The following PRR16 variants were observed in gnomAD, a reference collection of about 807,000 sequenced individuals.
PRR16 encodes protein Largen.
A neutral mutation model predicts 18.2 loss-of-function variants in PRR16; 6 were observed. That is an observed-to-expected ratio of 0.33 (90% confidence interval 0.18 to 0.65). PRR16 has a LOEUF of 0.65. PRR16 is among the 30% of genes least tolerant of loss of function. PRR16 has a pLI of 0.74. For synonymous variants in PRR16, 151 were observed against 147.8 expected (o/e 1.02, Z -0.16); for missense variants, 412 against 376.6 (o/e 1.09, Z -0.78).
chr5:120,520,883 T>G (rs1421950259), intron 1 of PRR16, among the ~76,000 whole-genome samples: 4 of 152,142 alleles, frequency 2.6e-5, no homozygotes, highest in African/African-American at 9.6e-5. Context: ...TATTTTATTT[T>G]GAATTTGGGA....
the PRR16 span, among the ~76,000 whole-genome samples, chr5:120,706,325 G>GAAGAAGAAACTAGCAGTTTT: frequency 5.2e-4 from 2 of 3,838 alleles, no homozygotes; most frequent in Non-Finnish European, 2.4e-3. Flanking sequence ...TTGTCAGTTT[G>GAAGAAGAAACTAGCAGTTTT]ACTTGGGGAC....
At chr5:120,737,518 G>A in the PRR16 span, among the ~76,000 whole-genome samples, 5 of 151,522 alleles carry the variant, frequency 3.3e-5, no homozygotes, top group Admixed American at 6.6e-5. Flanking sequence ...TTAATGTGTT[G>A]TTGAATTTAG....
chr5:120,717,072 T>C, the PRR16 span, among the ~76,000 whole-genome samples: 1 of 152,118 alleles, frequency 6.6e-6, no homozygotes, highest in African/African-American at 2.4e-5. Flanking sequence ...TTGTCACCCA[T>C]AGTTTGACAA....
chr5:120,760,719 C>T, the PRR16 span, among the ~76,000 whole-genome samples: 1 of 152,108 alleles, frequency 6.6e-6, no homozygotes, highest in Non-Finnish European at 1.5e-5. Context: ...AGAGTTAAGG[C>T]CCCAGGGAGC....
At chr5:120,624,826 G>A (rs1301896148) in intron 1 of PRR16, among the ~76,000 whole-genome samples, 1 of 152,060 alleles carries the variant, frequency 6.6e-6, no homozygotes, top group Non-Finnish European at 1.5e-5. Flanking sequence ...GAGGGACCTG[G>A]TGGGAGATGA....
rs182228403 is a variant in PRR16, at chr5:120,490,384, C to T, written c.159+25739C>T. 1.3e-3 allele frequency among the ~76,000 whole-genome samples: 205 copies of T among 152,204 alleles called. 2 individuals carry two copies. Among genetic ancestry groups the T allele is most frequent in the Middle Eastern group, 3.4e-3 (1 of 294 alleles). ...TCTTTTTTCTCTAAAGTTCTCTTCT[C>T]GCTTCATTTCATTCTTTTCGTCTTC... On this transcript the variant is annotated intron_variant, in intron 1 of 1. Transcript: ENST00000407149.
chr5:120,769,134 T>G, the PRR16 span, among the ~76,000 whole-genome samples: 1 of 151,738 alleles, frequency 6.6e-6, no homozygotes, highest in East Asian at 1.9e-4. Flanking sequence ...TCAGACAATG[T>G]TGAACCTTTA....
intron 1 of PRR16, among the ~76,000 whole-genome samples, chr5:120,477,122 T>C (rs1477490308): frequency 6.6e-6 from 1 of 152,192 alleles, no homozygotes; most frequent in Admixed American, 6.6e-5. Context: ...GAAATTTTTA[T>C]TCTTTAAAAA....
chr5:120,573,275 T>C (rs2112739507), intron 1 of PRR16, among the ~76,000 whole-genome samples: 1 of 152,318 alleles, frequency 6.6e-6, no homozygotes, highest in South Asian at 2.1e-4. Flanking sequence ...CCAGAAAGTG[T>C]CATGACTTTG....
intron 1 of PRR16, among the ~76,000 whole-genome samples, chr5:120,676,543 T>C (rs986145583): frequency 1.7e-4 from 25 of 150,766 alleles, no homozygotes; most frequent in Middle Eastern, 3.4e-3. Context: ...TGTGTGTGTG[T>C]GTGTGCGTGT....
At chr5:120,514,911 C>T (rs925997027) in intron 1 of PRR16, among the ~76,000 whole-genome samples, 5 of 152,100 alleles carry the variant, frequency 3.3e-5, no homozygotes, top group African/African-American at 1.2e-4. Context: ...CAATTTGTAT[C>T]TGTTACCCAC....
rs184951774 is a variant in PRR16 at position 120,581,171 on chromosome 5, G to A, written c.160-104783G>A. ...GGTCAGGGGCTTTTTTTGGTTGGTA[G>A]GCTATTAATTACTACCTCAATTTCA... is the stretch of plus-strand genomic sequence containing the variant. On this transcript the variant is annotated intron_variant, in intron 1 of 1. Coordinates refer to ENST00000407149, the MANE Select transcript of PRR16 (RefSeq NM_001300783.2). 1.5e-3 allele frequency among the ~76,000 whole-genome samples: 229 copies of A among 152,188 alleles called. 1 individual carries two copies. The highest frequency in any genetic ancestry group is 5.2e-3 in the African/African-American group (216 of 41,488).
At chr5:120,788,822 T>A in the PRR16 span, among the ~76,000 whole-genome samples, 1 of 152,156 alleles carries the variant, frequency 6.6e-6, no homozygotes, top group African/African-American at 2.4e-5. Flanking sequence ...GGTTTTAATC[T>A]TGGAGATAGC....
rs771664200 is a variant in PRR16, at chr5:120,464,564, G to A, written c.78G>A (p.Val26=). ...CGCCGGCAGCCTCCAAAACCAAGGT[G>A]AAGGAACAGATCAAGATCATCGTGG... ...EGPPAASKTK[V]KEQIKIIVED... Residue 26 remains valine (V), a synonymous_variant, in exon 1 of 2, where the codon GTG becomes GTA. Coordinates refer to ENST00000407149, the MANE Select transcript of PRR16 (RefSeq NM_001300783.2). 26 of 1,589,878 alleles carry A rather than the reference G, an allele frequency of 1.6e-5. No individual in the cohort carries two copies. The highest frequency in any genetic ancestry group is 2.0e-5 in the Non-Finnish European group (24 of 1,176,210).
intron 1 of PRR16, among the ~76,000 whole-genome samples, chr5:120,514,551 C>G (rs910605343): frequency 6.6e-6 from 1 of 152,142 alleles, no homozygotes; most frequent in South Asian, 2.1e-4. Context: ...ACCTTGAATA[C>G]TTTGCTGCTT....
At chr5:120,698,312 A>C in the PRR16 span, among the ~76,000 whole-genome samples, 1 of 152,076 alleles carries the variant, frequency 6.6e-6, no homozygotes, top group Non-Finnish European at 1.5e-5. Flanking sequence ...GTATGAATTG[A>C]AAAACTAAAT....
the PRR16 span, among the ~76,000 whole-genome samples, chr5:120,741,264 G>A: frequency 1.3e-5 from 2 of 151,510 alleles, no homozygotes; most frequent in East Asian, 1.9e-4. Flanking sequence ...TTTTATTATT[G>A]AGGCAGAGTC....
intron 1 of PRR16, among the ~76,000 whole-genome samples, chr5:120,523,293 A>T (rs1335383781): frequency 1.3e-5 from 2 of 152,164 alleles, no homozygotes; most frequent in Non-Finnish European, 2.9e-5. Flanking sequence ...TAAAGGTATA[A>T]TTGCCTCTTA....
At position 120,686,789 on chromosome 5, in the gene PRR16, C is replaced by G; in HGVS notation, c.*80C>G. 2 of 1,167,320 alleles carry G rather than the reference C, an allele frequency of 1.7e-6. No homozygotes were observed. Among genetic ancestry groups the G allele is most frequent in the Non-Finnish European group, 2.3e-6 (2 of 887,966 alleles). The allele number at this position is 1,167,320 out of a possible 1,614,324, so 72.3% of individuals were successfully genotyped here. A position where few individuals can be genotyped will look rare whatever the true frequency, so the allele number is the denominator to read the frequency against. On this transcript the variant is annotated 3_prime_UTR_variant, in exon 2 of 2. Coordinates refer to ENST00000407149, the MANE Select transcript of PRR16 (RefSeq NM_001300783.2). ...AAGTAATGAGCACTTTCTACTCAAG[C>G]AATAAAAAGCCCAAATATATTAATC...
Sources: gnomAD v4.1 joint callset for allele counts (sites outside exome capture counted in the v4.1 genomes callset) on GRCh38, gnomAD v4.1.1 for gene constraint, MANE v1.5 for transcripts, NCBI Gene and HGNC (gene_info 2026-07-23, HGNC 2026-07-21) for gene names.